SRGAP3: variants seen among roughly 807,000 people sequenced by gnomAD.
SRGAP3 encodes the protein SLIT-ROBO Rho GTPase-activating protein 3.
Under a neutral mutation model 121.1 loss-of-function variants are expected in SRGAP3, and 39 were observed. The observed-to-expected ratio is 0.32, with a 90% CI of 0.25 to 0.42. The LOEUF (loss-of-function observed/expected upper bound fraction) is 0.42, where lower values mean the gene tolerates loss of function less well. Ranked by LOEUF, SRGAP3 falls within the 10% of genes least tolerant of loss-of-function variation. The probability of loss-of-function intolerance (pLI) is 1.00; values close to 1 mark genes in which losing one functional copy is unlikely to be tolerated. For missense variants in SRGAP3, 1,213 were observed against 1,470.6 expected, an observed-to-expected ratio of 0.82 and a Z score of 2.86; for synonymous variants, 601 against 570.0, an observed-to-expected ratio of 1.05 and a Z score of -0.77.
intron 1 of SRGAP3, among the ~76,000 whole-genome samples, chr3:9,151,289 C>T (rs750808304): frequency 2.8e-4 from 43 of 152,054 alleles, no homozygotes; most frequent in Middle Eastern, 3.4e-3. Flanking sequence ...CCCAAGGGCA[C>T]GGAGGTGGGG....
At chr3:8,997,316 C>T (rs977959699) in intron 18 of SRGAP3, among the ~76,000 whole-genome samples, 4 of 152,126 alleles carry the variant, frequency 2.6e-5, no homozygotes, top group African/African-American at 4.8e-5. Flanking sequence ...CATCCATTAG[C>T]GACTCCTTCA....
At chr3:9,143,057 C>G (rs1022122902) in intron 1 of SRGAP3, among the ~76,000 whole-genome samples, 8 of 151,874 alleles carry the variant, frequency 5.3e-5, no homozygotes, top group African/African-American at 1.9e-4. Context: ...CCAGGCTGGT[C>G]GAGAACTCCA....
chr3:8,985,251 C>CG lies in SRGAP3; in HGVS notation c.*267_*268insC. The CG allele has an allele frequency of 1.6e-6, 1 of 611,146 alleles. No homozygotes were observed. The highest frequency in any genetic ancestry group is 2.2e-5 in the South Asian group (1 of 44,774). 37.9% of individuals were successfully genotyped at this position (611,146 alleles called of 1,614,324 possible). A position where few individuals can be genotyped will look rare whatever the true frequency, so the allele number is the denominator to read the frequency against. ...CGGGAGAAGCCATGTGGTATTTTGC[C>CG]TCCATGTTAGGGAATGCTGTGGTTG... On this transcript the variant is annotated 3_prime_UTR_variant, in exon 22 of 22. Transcript: ENST00000383836. The surrounding 1 kb of genome is among the most constrained non-coding windows in gnomAD (Gnocchi z 5.1).
intron 3 of SRGAP3, among the ~76,000 whole-genome samples, chr3:9,323,441 T>A (rs1262577441): frequency 6.6e-6 from 1 of 151,952 alleles, no homozygotes; most frequent in African/African-American, 2.4e-5. Context: ...ATTTGGTATC[T>A]ATGATTCTCA....
chr3:9,098,489 C>T (rs936228605), intron 3 of SRGAP3, among the ~76,000 whole-genome samples: 4 of 152,126 alleles, frequency 2.6e-5, no homozygotes, highest in African/African-American at 9.7e-5. Flanking sequence ...TGGTCTCAAA[C>T]ATCTGAGCTC....
intron 4 of SRGAP3, among the ~76,000 whole-genome samples, chr3:9,071,761 A>C (rs1946732903): frequency 6.6e-6 from 1 of 152,122 alleles, no homozygotes; most frequent in Admixed American, 6.5e-5. Flanking sequence ...GGGGAGGCAT[A>C]GTTCTACTGC....
Position 9,032,754 on chromosome 3 carries a change from T to C in SRGAP3, c.1437-2A>G. On this transcript the variant is annotated splice_acceptor_variant, in intron 11 of 21. Transcript: ENST00000383836. LOFTEE classifies it high-confidence loss of function. ...GGTTTAGGGGGAAGACAGGGGGGCC[T>C]AGGGGAAAACGGAACAAAAGAAATC... is the stretch of plus-strand genomic sequence containing the variant. 6.2e-7 allele frequency: 1 copy of C among 1,612,582 alleles called. No homozygotes were observed. The highest frequency in any genetic ancestry group is 8.5e-7 in the Non-Finnish European group (1 of 1,179,118).
intron 1 of SRGAP3, among the ~76,000 whole-genome samples, chr3:9,336,456 C>T (rs143623937): frequency 2.2e-4 from 34 of 152,238 alleles, no homozygotes; most frequent in Middle Eastern, 3.4e-3. Context: ...CTCAAGTCAT[C>T]ATCCCACCTC....
rs746841739 is a variant in SRGAP3, at chr3:9,028,062, C to A, written c.1540-1067G>T. 2.0e-5 allele frequency: 33 copies of A among 1,613,258 alleles called. No homozygotes were observed. The African/African-American group carries it at 4.3e-4, about 21-fold the overall frequency. ...AGTCAGCACTAAAGACAGTTTCCATCACGGTGAATGGGGCTAATGGGCCTT... is the reference window on the plus strand; with the variant it reads ...AGTCAGCACTAAAGACAGTTTCCATAACGGTGAATGGGGCTAATGGGCCTT... On this transcript the variant is annotated intron_variant, in intron 12 of 21. Transcript: ENST00000383836.
intron 1 of SRGAP3, among the ~76,000 whole-genome samples, chr3:9,357,319 T>G (rs1450393252): frequency 1.3e-5 from 2 of 152,190 alleles, no homozygotes; most frequent in Admixed American, 6.5e-5. Context: ...TTGCCTATTC[T>G]GGGTATTTCA....
chr3:9,212,122 T>C (rs1952467466), intron 1 of SRGAP3, among the ~76,000 whole-genome samples: 1 of 152,178 alleles, frequency 6.6e-6, no homozygotes, highest in African/African-American at 2.4e-5. Flanking sequence ...TTATGAAGAC[T>C]CAAGGCACAA....
chr3:9,186,207 T>C (rs1035604596), intron 1 of SRGAP3, among the ~76,000 whole-genome samples: 1 of 152,180 alleles, frequency 6.6e-6, no homozygotes, highest in African/African-American at 2.4e-5. Context: ...CTGGAAGGCT[T>C]TTCTCTGCCC....
At chr3:9,229,286 T>C (rs950051993) in intron 1 of SRGAP3, among the ~76,000 whole-genome samples, 1 of 152,156 alleles carries the variant, frequency 6.6e-6, no homozygotes, top group African/African-American at 2.4e-5. Context: ...TTCTTCTTTC[T>C]GTGGCTAGGT....
At chr3:9,178,658 G>C (rs1241420182) in intron 1 of SRGAP3, among the ~76,000 whole-genome samples, 2 of 152,152 alleles carry the variant, frequency 1.3e-5, no homozygotes, top group East Asian at 3.9e-4. Flanking sequence ...AGACTCCCAG[G>C]CCAGTGCTCC....
At chr3:9,276,049 G>T (rs1029344627) in intron 3 of SRGAP3, among the ~76,000 whole-genome samples, 2 of 151,876 alleles carry the variant, frequency 1.3e-5, no homozygotes. Context: ...AAAAAAAGTC[G>T]GAAGGAAGGA....
chr3:9,045,129 T>C (rs1945198117), intron 10 of SRGAP3, among the ~76,000 whole-genome samples: 1 of 151,782 alleles, frequency 6.6e-6, no homozygotes, highest in African/African-American at 2.4e-5. Context: ...ATATGAAAAC[T>C]TTATACTATC....
At chr3:9,285,345 C>G (rs183081576) in intron 3 of SRGAP3, among the ~76,000 whole-genome samples, 1 of 152,108 alleles carries the variant, frequency 6.6e-6, no homozygotes, top group Non-Finnish European at 1.5e-5. Context: ...AAATATGACA[C>G]CTTGGCATTT....
chr3:9,201,923 G>A (rs1952078920), intron 1 of SRGAP3, among the ~76,000 whole-genome samples: 1 of 152,206 alleles, frequency 6.6e-6, no homozygotes, highest in African/African-American at 2.4e-5. Flanking sequence ...AACTCTGTGC[G>A]TTGGGTGTTA....
chr3:9,275,793 G>A (rs934989160), intron 3 of SRGAP3, among the ~76,000 whole-genome samples: 5 of 152,206 alleles, frequency 3.3e-5, no homozygotes, highest in Non-Finnish European at 5.9e-5. Flanking sequence ...AAATTACCCA[G>A]TTTCAGGTAT....
Sources: allele counts gnomAD v4.1 joint callset (sites outside exome capture counted in the v4.1 genomes callset), GRCh38; gene constraint gnomAD v4.1.1; non-coding constraint Gnocchi (gnomAD v3.1); transcripts MANE v1.5; gene names NCBI Gene and HGNC (gene_info 2026-07-23, HGNC 2026-07-21).